Variants in SP3 observed in about 807,000 individuals in gnomAD.
The protein encoded by SP3 is Sp3 transcription factor, also known as transcription factor Sp3.
Under a neutral mutation model 70.3 loss-of-function variants are expected in SP3, and 10 were observed. That is an observed-to-expected ratio of 0.14 (90% CI 0.09 to 0.24). The LOEUF is 0.24. Among genes scored for constraint, SP3 ranks in the 10% least tolerant of loss-of-function variants. The pLI, the probability that SP3 is intolerant of heterozygous loss-of-function variation, is 1.00. For synonymous variants in SP3, 402 were observed against 333.5 expected, an observed-to-expected ratio of 1.21 and a Z score of -2.24; for missense variants, 825 against 914.6, an observed-to-expected ratio of 0.90 and a Z score of 1.26.
In SP3 at chr2:173,905,228, T is replaced by A. The variant is rs1298468090; in HGVS notation, c.*4713A>T. Among the ~76,000 whole-genome samples, 2 of 152,148 alleles carry A rather than the reference T, an allele frequency of 1.3e-5. No individual in the cohort carries two copies. Among genetic ancestry groups the A allele is most frequent in the East Asian group, 3.9e-4 (2 of 5,192 alleles). Reference sequence around the variant, plus strand: ...TCAAACAATGAAAATTCTAAAACACTTCACTACAGAAAAATGGAATCTCCA... The same window carrying A: ...TCAAACAATGAAAATTCTAAAACACATCACTACAGAAAAATGGAATCTCCA... On this transcript the variant is annotated 3_prime_UTR_variant, in exon 7 of 7. Coordinates refer to ENST00000310015, the MANE Select transcript of SP3 (RefSeq NM_003111.5).
chr2:173,910,731 A>C (rs573227368), intron 6 of SP3, among the ~76,000 whole-genome samples: 1 of 152,206 alleles, frequency 6.6e-6, no homozygotes, highest in African/African-American at 2.4e-5. Context: ...AAGAAATGAC[A>C]CCACAAGCTT....
chr2:173,940,851 G>A (rs925067658), intron 4 of SP3, among the ~76,000 whole-genome samples: 13 of 152,172 alleles, frequency 8.5e-5, no homozygotes, highest in African/African-American at 3.1e-4. Flanking sequence ...GGAATAATCT[G>A]ACAAGAATTA....
intron 4 of SP3, among the ~76,000 whole-genome samples, chr2:173,943,439 T>C (rs554280829): frequency 6.6e-6 from 1 of 152,312 alleles, no homozygotes; most frequent in South Asian, 2.1e-4. Flanking sequence ...CTAACCATCA[T>C]ATTTAAAATA....
rs76380529 is a variant in SP3, at chr2:173,918,510, T to A, written c.1832+83A>T. The A allele has an allele frequency of 2.2e-3, 2,871 of 1,323,686 alleles. 61 individuals are homozygous for A. The African/African-American group carries it at 0.037, about 17-fold the overall frequency. The allele number at this position is 1,323,686 out of a possible 1,614,324, so 82.0% of individuals were successfully genotyped here. On this transcript the variant is annotated intron_variant, in intron 5 of 6. Transcript: ENST00000310015. ...TGATCATGTAATAATTTCTCATAAT[T>A]AAATGACATAGCATGCAGTATTTCA...
intron 4 of SP3, among the ~76,000 whole-genome samples, chr2:173,952,156 CCA>C (rs980628378): frequency 1.9e-4 from 28 of 148,802 alleles, no homozygotes; most frequent in Middle Eastern, 7.2e-3. Flanking sequence ...AATCTCAAGA[CCA>C]CAGTTTATCA....
rs545034665 is a variant in SP3, at chr2:173,905,652, T to C, written c.*4289A>G. Among the ~76,000 whole-genome samples the C allele has an allele frequency of 2.8e-4, 42 of 151,952 alleles. No individual in the cohort carries two copies. Among genetic ancestry groups the C allele is most frequent in the Non-Finnish European group, 5.4e-4 (37 of 67,978 alleles). ...ATATATTCATATCATGAAGACTTTA[T>C]AACATCAAATAAAAGCCAACATGGG... On this transcript the variant is annotated 3_prime_UTR_variant, in exon 7 of 7. Coordinates refer to ENST00000310015, the MANE Select transcript of SP3 (RefSeq NM_003111.5).
At chr2:173,948,501 G>A (rs181397144) in intron 4 of SP3, among the ~76,000 whole-genome samples, 12 of 152,180 alleles carry the variant, frequency 7.9e-5, no homozygotes, top group Admixed American at 1.3e-4. Flanking sequence ...TCCACTGGGG[G>A]TCTTTGAACT....
At chr2:173,952,445 C>T (rs143985370) in intron 4 of SP3, among the ~76,000 whole-genome samples, 242 of 152,186 alleles carry the variant, frequency 1.6e-3, no homozygotes, top group East Asian at 4.1e-3. Flanking sequence ...AGGTTGGTGG[C>T]GCTAGAGAGA....
intron 5 of SP3, among the ~76,000 whole-genome samples, chr2:173,917,965 T>TAAA (rs1482109933): frequency 6.6e-6 from 1 of 151,938 alleles, no homozygotes; most frequent in Non-Finnish European, 1.5e-5. Flanking sequence ...AGGTGTTCTT[T>TAAA]ATAATTAACA....
chr2:173,928,843 A>G (rs78325397), intron 4 of SP3, among the ~76,000 whole-genome samples: 18,017 of 152,206 alleles, frequency 0.12, 1,327 homozygotes, highest in Middle Eastern at 0.18. Context: ...TTGCCCTCCA[A>G]TTTTTACATA....
chr2:173,934,883 A>G (rs1429183364), intron 4 of SP3, among the ~76,000 whole-genome samples: 2 of 152,200 alleles, frequency 1.3e-5, no homozygotes, highest in East Asian at 1.9e-4. Context: ...ATTTTGGCAT[A>G]TAAGAGGATC....
In SP3 at chr2:173,935,631, TC is replaced by T. The variant is rs557968520; in HGVS notation, c.1640-16847del. On this transcript the variant is annotated intron_variant, in intron 4 of 6. Coordinates refer to ENST00000310015, the MANE Select transcript of SP3 (RefSeq NM_003111.5). ...ATCCCCAAAATTTCCCAAAACATCT[TC>T]CTTTTTATAATTCCCCTGCTCAGTT... Among the ~76,000 whole-genome samples the T allele has an allele frequency of 1.1e-3, 171 of 152,300 alleles. No homozygotes were observed. The Middle Eastern group carries it at 0.017, about 15-fold the overall frequency.
At chr2:173,964,910 A>G (rs1691243295) in intron 1 of SP3, 1 of 493,632 alleles carries the variant, frequency 2.0e-6, no homozygotes, top group Non-Finnish European at 3.5e-6. Flanking sequence ...GCCCGCACAC[A>G]GGGGGATGCG....
rs1464234453 is a variant in SP3 at position 173,918,738 on chromosome 2, T to C, written c.1687A>G (p.Ser563Gly). The change falls in exon 5 of 7, where the codon AGT becomes GGT. Residue 563 changes from serine to glycine, a missense_variant. Ser to Gly is a moderately conservative substitution (Grantham distance 56). Transcript: ENST00000310015. Reference protein sequence around the residue: ...EEPDPEEWQLSGDSTLNTNDL... With the variant: ...EEPDPEEWQLGGDSTLNTNDL... The stretch of plus-strand genomic sequence containing the variant: ...TTGGTATTCAAGGTAGAATCACCAC[T>C]GAGCTGCCACTCTTCAGGATCAGGT... The C allele has an allele frequency of 1.2e-6, 2 of 1,613,378 alleles. No homozygotes were observed. The highest frequency in any genetic ancestry group is 1.7e-5 in the Admixed American group (1 of 59,978).
At chr2:173,940,740 C>T (rs1690349144) in intron 4 of SP3, among the ~76,000 whole-genome samples, 1 of 152,150 alleles carries the variant, frequency 6.6e-6, no homozygotes, top group South Asian at 2.1e-4. Context: ...TTTCACTTTC[C>T]AATTCTCAGA....
intron 3 of SP3, 119 bp downstream of exon 3, chr2:173,963,642 G>A (rs933433744): frequency 5.0e-6 from 1 of 200,278 alleles, no homozygotes; most frequent in Non-Finnish European, 9.0e-6. Flanking sequence ...CTGGAGCCCA[G>A]CGGCCCGTGC....
chr2:173,956,288 A>G, intron 3 of SP3, 56 bp from the exon 4 acceptor site: 1 of 1,503,260 alleles, frequency 6.7e-7, no homozygotes, highest in African/African-American at 1.4e-5. Context: ...ATCAACCCTC[A>G]AAAAATTCTA....
chr2:173,948,799 C>T (rs934551252), intron 4 of SP3, among the ~76,000 whole-genome samples: 4 of 151,772 alleles, frequency 2.6e-5, no homozygotes, highest in African/African-American at 7.3e-5. Flanking sequence ...CCAAAAAAAT[C>T]GTTGGAAAAT....
chr2:173,963,090 T>C (rs1007882687), intron 3 of SP3: 1 of 152,178 alleles, frequency 6.6e-6, no homozygotes, highest in Non-Finnish European at 1.5e-5. Flanking sequence ...CTAACACTGT[T>C]ATATTCAGTT....
Sources: allele counts gnomAD v4.1 joint callset (sites outside exome capture counted in the v4.1 genomes callset), GRCh38; gene constraint gnomAD v4.1.1; transcripts MANE v1.5; gene names NCBI Gene and HGNC (gene_info 2026-07-23, HGNC 2026-07-21).